Variants in CDH20 observed in about 807,000 individuals in gnomAD.
The protein encoded by CDH20 is cadherin 20, also known as cadherin-20.
A neutral mutation model predicts 74.2 loss-of-function variants in CDH20; 29 were observed. The observed-to-expected ratio is 0.39, with a 90% CI of 0.29 to 0.53. The LOEUF (loss-of-function observed/expected upper bound fraction) is 0.53. CDH20 is among the 20% of genes least tolerant of loss of function. The pLI is 0.69. For synonymous variants in CDH20, 469 were observed against 405.4 expected (o/e 1.16, Z -1.88); for missense variants, 988 against 1,048.3 (o/e 0.94, Z 0.79).
At chr18:61,426,912 G>A (rs544991898) in intron 1 of CDH20, among the ~76,000 whole-genome samples, 8 of 152,246 alleles carry the variant, frequency 5.3e-5, no homozygotes, top group South Asian at 2.1e-4. Flanking sequence ...ACGAGGGAGC[G>A]TAGTCATTGG....
intron 6 of CDH20, among the ~76,000 whole-genome samples, chr18:61,514,734 T>C (rs1346887419): frequency 1.3e-5 from 2 of 151,820 alleles, no homozygotes; most frequent in East Asian, 2.0e-4. Flanking sequence ...GACCCTCAGC[T>C]GCAGGTCTGT....
chr18:61,337,003 C>T (rs1462579290), intron 1 of CDH20, among the ~76,000 whole-genome samples: 2 of 152,104 alleles, frequency 1.3e-5, no homozygotes, highest in African/African-American at 2.4e-5. Context: ...GCTGTAAACA[C>T]GGAATAAAGA....
intron 10 of CDH20, among the ~76,000 whole-genome samples, chr18:61,546,452 A>T (rs1448222634): frequency 6.6e-6 from 1 of 152,238 alleles, no homozygotes; most frequent in African/African-American, 2.4e-5. Context: ...TTATAAAGGC[A>T]GAAATACTTC....
intron 1 of CDH20, among the ~76,000 whole-genome samples, chr18:61,338,677 T>C (rs1163450847): frequency 6.6e-6 from 1 of 152,294 alleles, no homozygotes; most frequent in Middle Eastern, 3.4e-3. Flanking sequence ...TCCTAAGCAA[T>C]AAGGGCCAGC....
At chr18:61,394,214 T>G (rs1911887073) in intron 1 of CDH20, among the ~76,000 whole-genome samples, 1 of 152,060 alleles carries the variant, frequency 6.6e-6, no homozygotes, top group South Asian at 2.1e-4. Context: ...CAAATGCGAG[T>G]GGCCAGGAGT....
chr18:61,462,126 C>T (rs1213747116), intron 1 of CDH20, among the ~76,000 whole-genome samples: 21 of 152,000 alleles, frequency 1.4e-4, no homozygotes, highest in Admixed American at 1.3e-3. Flanking sequence ...GTTACTTAGG[C>T]GTGAAAAGTT....
intron 1 of CDH20, among the ~76,000 whole-genome samples, chr18:61,421,368 A>G (rs1315590645): frequency 1.3e-5 from 2 of 152,214 alleles, no homozygotes; most frequent in African/African-American, 2.4e-5. Context: ...CTCTCTTATT[A>G]TCTTTTCAAA....
At chr18:61,459,185 T>C (rs2144354652) in intron 1 of CDH20, among the ~76,000 whole-genome samples, 1 of 152,334 alleles carries the variant, frequency 6.6e-6, no homozygotes, top group Middle Eastern at 3.4e-3. Context: ...TCATTGTGGC[T>C]ATTACTTACC....
chr18:61,425,040 C>CCTCTCTCTCTCTCTCT (rs10535853), intron 1 of CDH20, among the ~76,000 whole-genome samples: 1 of 134,656 alleles, frequency 7.4e-6, no homozygotes, highest in South Asian at 2.6e-4. Context: ...CTTCCCCGCT[C>CCTCTCTCTCTCTCTCT]CTCTCTCTCT....
intron 1 of CDH20, among the ~76,000 whole-genome samples, chr18:61,408,551 T>C (rs562020659): frequency 3.8e-4 from 58 of 152,330 alleles, no homozygotes; most frequent in Non-Finnish European, 6.8e-4. Context: ...TTATTCTTCA[T>C]AGAGGTGGCC....
chr18:61,407,436 T>C (rs956227848), intron 1 of CDH20, among the ~76,000 whole-genome samples: 2 of 152,302 alleles, frequency 1.3e-5, no homozygotes, highest in South Asian at 2.1e-4. Flanking sequence ...GTGGGGGAAG[T>C]CCTTCCTTCT....
intron 1 of CDH20, among the ~76,000 whole-genome samples, chr18:61,400,201 G>A (rs1267346626): frequency 2.0e-5 from 3 of 152,232 alleles, no homozygotes; most frequent in Non-Finnish European, 1.5e-5. Context: ...ACCTGTAGTC[G>A]CAGCCTCTTT....
intron 1 of CDH20, among the ~76,000 whole-genome samples, chr18:61,372,558 T>G (rs1340574713): frequency 6.6e-6 from 1 of 152,100 alleles, no homozygotes; most frequent in Non-Finnish European, 1.5e-5. Flanking sequence ...TGTGGCCCAC[T>G]GGTGGTTTAA....
At chr18:61,367,317 G>A (rs1324660801) in intron 1 of CDH20, among the ~76,000 whole-genome samples, 1 of 152,160 alleles carries the variant, frequency 6.6e-6, no homozygotes, top group Non-Finnish European at 1.5e-5. Flanking sequence ...AGTCAAGTAA[G>A]ATCCTAAGGA....
chr18:61,538,611 T>TG lies in CDH20; in HGVS notation c.1409-413_1409-412insG, dbSNP rs1290265812. On this transcript the variant is annotated intron_variant, in intron 8 of 11. Transcript: ENST00000262717. ...TTGTTTGTTTGTTTTTGTTTTTGTTTTTGTTTTTGTTTTGTTTTTTTTTTT... is the reference window on the plus strand; with the variant it reads ...TTGTTTGTTTGTTTTTGTTTTTGTTTGTTGTTTTTGTTTTGTTTTTTTTTTT... 8.8e-4 allele frequency among the ~76,000 whole-genome samples: 35 copies of TG among 39,678 alleles called. 2 individuals are homozygous for TG. The highest frequency in any genetic ancestry group is 3.0e-3 in the African/African-American group (31 of 10,490). 26.0% of individuals were successfully genotyped at this position (39,678 alleles called of 152,430 possible). A position where few individuals can be genotyped will look rare whatever the true frequency, so the allele number is the denominator to read the frequency against.
intron 6 of CDH20, among the ~76,000 whole-genome samples, chr18:61,514,869 A>G (rs2144344700): frequency 6.6e-6 from 1 of 151,982 alleles, no homozygotes; most frequent in South Asian, 2.1e-4. Flanking sequence ...TCAGATCTCC[A>G]GCTGCGTGCT....
chr18:61,418,474 A>T (rs1163274475), intron 1 of CDH20, among the ~76,000 whole-genome samples: 2 of 149,700 alleles, frequency 1.3e-5, no homozygotes, highest in African/African-American at 4.9e-5. Flanking sequence ...GAATGGCATG[A>T]ACCCGGGAGG....
chr18:61,493,736 C>A (rs1599123397), intron 2 of CDH20, among the ~76,000 whole-genome samples: 1 of 152,238 alleles, frequency 6.6e-6, no homozygotes, highest in Non-Finnish European at 1.5e-5. Context: ...ATTCCAAAGA[C>A]TTCTAGCTTC....
At chr18:61,398,681 G>A (rs978987977) in intron 1 of CDH20, among the ~76,000 whole-genome samples, 1 of 152,080 alleles carries the variant, frequency 6.6e-6, no homozygotes, top group Non-Finnish European at 1.5e-5. Flanking sequence ...TCATTTGTGG[G>A]CATTGAGACT....
Sources: gnomAD v4.1 joint callset for allele counts (sites outside exome capture counted in the v4.1 genomes callset) on GRCh38, gnomAD v4.1.1 for gene constraint, MANE v1.5 for transcripts, NCBI Gene and HGNC (gene_info 2026-07-23, HGNC 2026-07-21) for gene names.